The following CFAP46 variants were observed in gnomAD, a reference collection of about 807,000 sequenced individuals.
The protein encoded by CFAP46 is cilia- and flagella-associated protein 46.
CFAP46 carries 245 observed loss-of-function variants against 325.7 expected under a neutral mutation model. That is an observed-to-expected ratio of 0.75 (90% CI 0.68 to 0.84). The LOEUF is 0.84. CFAP46 is among the 40% of genes least tolerant of loss of function. The pLI is 0.00. For missense variants in CFAP46, 3,346 were observed against 3,543.0 expected, an observed-to-expected ratio of 0.94 and a Z score of 1.41; for synonymous variants, 1,523 against 1,495.9, an observed-to-expected ratio of 1.02 and a Z score of -0.42.
At chr10:132,837,015 C>A (rs1848262143) in intron 44 of CFAP46, 101 bp from the exon 45 acceptor site, 3 of 931,930 alleles carry the variant, frequency 3.2e-6, no homozygotes, top group South Asian at 2.8e-5. Flanking sequence ...AGAGCCACGG[C>A]GGGGGCTTTG....
intron 44 of CFAP46, among the ~76,000 whole-genome samples, chr10:132,845,665 G>A (rs1055040004): frequency 1.3e-5 from 2 of 152,218 alleles, no homozygotes; most frequent in African/African-American, 2.4e-5. Context: ...GTTTCTCAAG[G>A]TTGAACCCTT....
intron 27 of CFAP46, among the ~76,000 whole-genome samples, chr10:132,881,392 C>G (rs1849041149): frequency 6.6e-6 from 1 of 152,166 alleles, no homozygotes; most frequent in Non-Finnish European, 1.5e-5. Flanking sequence ...CTGCAGGTGG[C>G]CCTCTCTGGG....
intron 9 of CFAP46, chr10:132,929,154 G>A (rs1432251692): frequency 3.6e-6 from 1 of 277,266 alleles, no homozygotes; most frequent in South Asian, 7.9e-5. Flanking sequence ...TTTCTAGACG[G>A]AAATCCCTAC....
At chr10:132,870,588 G>C (rs778249658) in intron 32 of CFAP46, among the ~76,000 whole-genome samples, 2 of 152,162 alleles carry the variant, frequency 1.3e-5, no homozygotes, top group Non-Finnish European at 2.9e-5. Context: ...CGTGGTCTGC[G>C]CCGAAGATCA....
intron 27 of CFAP46, among the ~76,000 whole-genome samples, chr10:132,882,165 GGT>G (rs1849056279): frequency 6.7e-6 from 1 of 149,590 alleles, no homozygotes; most frequent in Non-Finnish European, 1.5e-5. Context: ...GGGTGTGAGT[GGT>G]GTGTGTGGGA....
chr10:132,812,859 C>T lies in CFAP46; in HGVS notation c.7427G>A (p.Gly2476Asp), dbSNP rs772234108. ...QWEQALGSCS[G>D]FFFYGMESFL... ...GCTCTCCATTCCATAGAAGAAGAAA[C>T]CGCTGCAGCTGCCCAGGGCCTGCTC... The change falls in exon 55 of 58, where the codon GGT becomes GAT. Residue 2476 changes from glycine (G) to aspartate (D), a missense_variant. Gly to Asp is a moderately conservative substitution (Grantham distance 94). Transcript: ENST00000368586. 2 of 1,610,950 alleles carry T rather than the reference C, an allele frequency of 1.2e-6. No individual in the cohort carries two copies. The highest frequency in any genetic ancestry group is 1.7e-6 in the Non-Finnish European group (2 of 1,179,830).
In CFAP46 at chr10:132,867,482, T is replaced by C; in HGVS notation, c.4636A>G (p.Lys1546Glu). Residue 1546 changes from lysine (K) to glutamate (E), a missense_variant, in exon 34 of 58, where the codon AAA becomes GAA. Physicochemically the swap from Lys to Glu is moderately conservative, Grantham distance 56. Transcript: ENST00000368586. ...ASCRKEIALK[K>E]EKNKEPLLEE... is the part of the protein sequence containing the mutation. ...AATAAAGGCTCCTTATTTTTCTCTT[T>C]TTTCAACGCGATCTCTTTTCTGCAG... is the stretch of plus-strand genomic sequence containing the variant. The C allele has an allele frequency of 6.5e-7, 1 of 1,550,336 alleles. No individual in the cohort carries two copies. Among genetic ancestry groups the C allele is most frequent in the Non-Finnish European group, 8.7e-7 (1 of 1,146,978 alleles).
chr10:132,924,953 T>G (rs1206342809), intron 10 of CFAP46, 67 bp from the exon 11 acceptor site: 4 of 1,298,912 alleles, frequency 3.1e-6, no homozygotes. Context: ...GGGCGGCACC[T>G]GCGTGCAGGG....
Position 132,941,583 on chromosome 10 carries a change from C to A in CFAP46, c.306+8G>T, listed in dbSNP as rs755878082. On this transcript the variant is annotated splice_region_variant and intron_variant, in intron 3 of 57. Transcript: ENST00000368586. ...TGTTGGGGATAAGGGGCACAGGACG[C>A]CTCTCACCAGGTTTTCTGCCGACTT... 4 of 1,611,596 alleles carry A rather than the reference C, an allele frequency of 2.5e-6. No individual in the cohort carries two copies. Among genetic ancestry groups the A allele is most frequent in the Non-Finnish European group, 3.4e-6 (4 of 1,178,522 alleles).
Position 132,851,234 on chromosome 10 carries a change from C to A in CFAP46, c.5646G>T (p.Leu1882=). 1 of 1,614,114 alleles carries A rather than the reference C, an allele frequency of 6.2e-7. No individual in the cohort carries two copies. Among genetic ancestry groups the A allele is most frequent in the East Asian group, 2.2e-5 (1 of 44,882 alleles). ...CCTCCCAGATGAACTGGAGCATGTC[C>A]AGAGCCATTTCCACGAGGCCGAGCT... ...RLKLGLVEMA[L]DMLQFIWEEA... is the part of the protein sequence containing the mutation. The change falls in exon 40 of 58, where the codon CTG becomes CTT. Residue 1882 remains leucine, a synonymous_variant. Transcript: ENST00000368586.
chr10:132,809,821 CT>C (rs1157427648), intron 57 of CFAP46, among the ~76,000 whole-genome samples: 8 of 152,226 alleles, frequency 5.3e-5, no homozygotes, highest in African/African-American at 1.9e-4. Context: ...CCCTTCCCGA[CT>C]TTTCCCCTGT....
chr10:132,905,632 C>T (rs559779115), intron 22 of CFAP46, among the ~76,000 whole-genome samples: 2 of 152,178 alleles, frequency 1.3e-5, no homozygotes, highest in South Asian at 2.1e-4. Context: ...ATTACCTCCA[C>T]GTGGAACGTT....
intron 50 of CFAP46, among the ~76,000 whole-genome samples, chr10:132,824,737 T>TGCA (rs1848001524): frequency 1.1e-5 from 1 of 91,852 alleles, no homozygotes; most frequent in Admixed American, 1.2e-4. Context: ...GTGCTGTGTG[T>TGCA]GTGCTGTGTG....
intron 24 of CFAP46, among the ~76,000 whole-genome samples, chr10:132,895,399 A>G (rs1208272121): frequency 6.6e-6 from 1 of 152,208 alleles, no homozygotes; most frequent in Non-Finnish European, 1.5e-5. Flanking sequence ...CAGGAACAAG[A>G]CAAGGCCACT....
Position 132,879,458 on chromosome 10 carries a change from C to A in CFAP46, c.3973G>T (p.Ala1325Ser), listed in dbSNP as rs1849005470. 6.5e-7 allele frequency: 1 copy of A among 1,541,930 alleles called. No homozygotes were observed. Among genetic ancestry groups the A allele is most frequent in the African/African-American group, 1.4e-5 (1 of 73,012 alleles). The change falls in exon 29 of 58, where the codon GCA (alanine) becomes TCA (serine). Residue 1325 changes from alanine to serine, a missense_variant. Coordinates refer to ENST00000368586, the MANE Select transcript of CFAP46 (RefSeq NM_001200049.3). ...ATGTGCCTGAAGAAGGCGTAGGCTG[C>A]AAGGCAGCAGTCCTCGTAGCCCTCG... ...GAEGYEDCCL[A>S]AYAFFRHIWQ...
intron 13 of CFAP46, 150 bp downstream of exon 13, chr10:132,921,954 G>T: frequency 9.6e-7 from 1 of 1,041,000 alleles, no homozygotes; most frequent in Non-Finnish European, 1.4e-6. Context: ...GACCCGGCGG[G>T]CCGAGATCGA....
At chr10:132,941,776 G>T in intron 2 of CFAP46, 54 bp from the exon 3 acceptor site, 1 of 1,608,734 alleles carries the variant, frequency 6.2e-7, no homozygotes. Context: ...TGGCCTCCCT[G>T]CCCAGAAGCA....
rs201382075 is a variant in CFAP46 at position 132,808,563 on chromosome 10, A to G, written c.8006T>C (p.Leu2669Pro). The G allele has an allele frequency of 3.0e-5, 49 of 1,612,786 alleles. No homozygotes were observed. The highest frequency in any genetic ancestry group is 1.3e-5 in the African/African-American group (1 of 74,934). ...AAAWTSSSAC[L>P]CAPWGLRRGW... ...CCGACGCAGACCCCATGGCGCACAC[A>G]GGCAGGCAGAGCTCGAGGTCCAGGC... is the stretch of plus-strand genomic sequence containing the variant. The change falls in exon 58 of 58, where the codon CTG (leucine) becomes CCG (proline). Residue 2669 changes from leucine to proline, a missense_variant. Physicochemically the swap from Leu to Pro is moderately conservative, Grantham distance 98. Transcript: ENST00000368586. This position sits in a 1 kb window ranked among gnomAD's most constrained non-coding sequence, Gnocchi z 6.8.
chr10:132,922,303 C>T (rs905116899), intron 12 of CFAP46, 79 bp from the exon 13 acceptor site: 2 of 1,502,990 alleles, frequency 1.3e-6, no homozygotes, highest in Admixed American at 2.1e-5. Flanking sequence ...AGCCTCCTGG[C>T]CTTTGGCAGG....
Sources: gnomAD v4.1 joint callset for allele counts (sites outside exome capture counted in the v4.1 genomes callset) on GRCh38, gnomAD v4.1.1 for gene constraint, Gnocchi (gnomAD v3.1) non-coding constraint, MANE v1.5 for transcripts, NCBI Gene and HGNC (gene_info 2026-07-23, HGNC 2026-07-21) for gene names.